Variants in PRKCB observed in about 807,000 individuals in gnomAD.
PRKCB encodes the protein protein kinase C beta, also known as protein kinase C beta type.
Under a neutral mutation model 81.5 loss-of-function variants are expected in PRKCB, and 13 were observed. That is an observed-to-expected ratio of 0.16 (90% CI 0.10 to 0.25). The LOEUF is 0.25. PRKCB is among the 10% of genes least tolerant of loss of function. The pLI, the probability that PRKCB is intolerant of heterozygous loss-of-function variation, is 1.00. For synonymous variants in PRKCB, 335 were observed against 321.4 expected (o/e 1.04, Z -0.45); for missense variants, 509 against 875.7 (o/e 0.58, Z 5.29).
Position 24,174,548 on chromosome 16 carries a change from GTTC to G in PRKCB, c.1368_1370del (p.Phe456del). On this transcript the variant is annotated inframe_deletion, in exon 12 of 17. Coordinates refer to ENST00000643927, the MANE Select transcript of PRKCB (RefSeq NM_002738.7). Reference sequence around the variant, plus strand: ...ACGCTGCAGAAATTGCCATCGGTCTGTTCTTCTTACAGAGTAAGGGCATCATTT... The same window carrying G: ...ACGCTGCAGAAATTGCCATCGGTCTGTTCTTACAGAGTAAGGGCATCATTT... 1 of 1,608,086 alleles carries G rather than the reference GTTC, an allele frequency of 6.2e-7. No homozygotes were observed. Among genetic ancestry groups the G allele is most frequent in the Non-Finnish European group, 8.5e-7 (1 of 1,177,324 alleles).
intron 8 of PRKCB, among the ~76,000 whole-genome samples, chr16:24,119,409 G>A (rs1373189229): frequency 6.6e-6 from 1 of 152,148 alleles, no homozygotes; most frequent in East Asian, 1.9e-4. Flanking sequence ...GGAAGTTTGA[G>A]GTCCGTGCTC....
intron 5 of PRKCB, among the ~76,000 whole-genome samples, chr16:24,066,578 A>G (rs1966037308): frequency 6.6e-6 from 1 of 152,134 alleles, no homozygotes; most frequent in Admixed American, 6.5e-5. Flanking sequence ...TGTTAACACT[A>G]ATTAGTACTG....
At position 24,010,651 on chromosome 16, in the gene PRKCB, C is replaced by T. The variant is rs529956694; in HGVS notation, c.289-21485C>T. Among the ~76,000 whole-genome samples the T allele has an allele frequency of 2.6e-5, 4 of 152,280 alleles. No individual in the cohort carries two copies. In the East Asian group the frequency reaches 7.7e-4, roughly 29 times the overall value. ...CTTAGTTAGGAGTCAGTGGCTATAG[C>T]GCCCCCTGCTGTCCTTTAGCACCCT... On this transcript the variant is annotated intron_variant, in intron 3 of 16. Coordinates refer to ENST00000643927, the MANE Select transcript of PRKCB (RefSeq NM_002738.7).
At chr16:24,115,021 G>C (rs1027020456) in intron 8 of PRKCB, among the ~76,000 whole-genome samples, 3 of 152,160 alleles carry the variant, frequency 2.0e-5, no homozygotes, top group Non-Finnish European at 4.4e-5. Flanking sequence ...AATGTATTCT[G>C]TTCTGCAAAC....
chr16:23,977,868 C>G (rs1964645957), intron 2 of PRKCB, among the ~76,000 whole-genome samples: 1 of 152,042 alleles, frequency 6.6e-6, no homozygotes, highest in African/African-American at 2.4e-5. Flanking sequence ...CTCTGCTTGC[C>G]CTCCTCTACT....
intron 2 of PRKCB, among the ~76,000 whole-genome samples, chr16:23,983,714 A>AATAATTGATT (rs1361141819): frequency 6.6e-6 from 1 of 151,934 alleles, no homozygotes; most frequent in Non-Finnish European, 1.5e-5. Context: ...TGAATAAGAT[A>AATAATTGATT]ATAATTGATT....
At chr16:24,088,462 C>G (rs943329805) in intron 5 of PRKCB, among the ~76,000 whole-genome samples, 2 of 152,156 alleles carry the variant, frequency 1.3e-5, no homozygotes, top group Non-Finnish European at 2.9e-5. Context: ...CACAGTGGCT[C>G]ACACCTGTAA....
At chr16:23,886,039 A>C (rs932586417) in intron 2 of PRKCB, among the ~76,000 whole-genome samples, 1 of 152,188 alleles carries the variant, frequency 6.6e-6, no homozygotes, top group South Asian at 2.1e-4. Flanking sequence ...TGAATCCTCA[A>C]ACCAACTCTT....
In PRKCB at chr16:24,021,038, TTC is replaced by T. The variant is rs766018675; in HGVS notation, c.289-11094_289-11093del. 4.2e-3 allele frequency among the ~76,000 whole-genome samples: 344 copies of T among 81,988 alleles called. 2 individuals carry two copies. Among genetic ancestry groups the T allele is most frequent in the East Asian group, 0.028 (74 of 2,646 alleles). 53.8% of individuals were successfully genotyped at this position (81,988 alleles called of 152,430 possible). A position where few individuals can be genotyped will look rare whatever the true frequency, so the allele number is the denominator to read the frequency against. ...TTTCTTTCTTTCTTTCTTTCTTTCTTTCTCTTTCTTTCTTTCTTTCCCTCCCT... is the reference window on the plus strand; with the variant it reads ...TTTCTTTCTTTCTTTCTTTCTTTCTTTCTTTCTTTCTTTCTTTCCCTCCCT... On this transcript the variant is annotated intron_variant, in intron 3 of 16. Coordinates refer to ENST00000643927, the MANE Select transcript of PRKCB (RefSeq NM_002738.7).
chr16:24,087,009 A>G (rs1369483053), intron 5 of PRKCB, among the ~76,000 whole-genome samples: 1 of 152,132 alleles, frequency 6.6e-6, no homozygotes, highest in African/African-American at 2.4e-5. Context: ...ATTTTGCTCC[A>G]TTTGGTTTAG....
intron 2 of PRKCB, among the ~76,000 whole-genome samples, chr16:23,853,223 A>C (rs1033082138): frequency 6.6e-6 from 1 of 152,264 alleles, no homozygotes; most frequent in African/African-American, 2.4e-5. Context: ...GCTGTAACAG[A>C]CAAACCTTGA....
chr16:24,187,386 G>T (rs915195258), intron 15 of PRKCB, among the ~76,000 whole-genome samples: 2 of 152,162 alleles, frequency 1.3e-5, no homozygotes, highest in Non-Finnish European at 2.9e-5. Context: ...CTGCAGATTG[G>T]GGATAATAAT....
chr16:24,214,548 G>T, intron 16 of PRKCB, 110 bp from the exon 17 acceptor site: 1 of 842,992 alleles, frequency 1.2e-6, no homozygotes, highest in Admixed American at 2.7e-5. Context: ...TTCTGAAAGG[G>T]AAGGGAATGG....
intron 5 of PRKCB, among the ~76,000 whole-genome samples, chr16:24,053,542 C>A (rs868238168): frequency 6.6e-6 from 1 of 151,910 alleles, no homozygotes; most frequent in Non-Finnish European, 1.5e-5. Flanking sequence ...AAGTAAAATA[C>A]GAACAGTAAG....
intron 4 of PRKCB, 105 bp from the exon 5 acceptor site, chr16:24,035,314 C>G: frequency 6.9e-7 from 1 of 1,446,878 alleles, no homozygotes; most frequent in Non-Finnish European, 9.4e-7. Flanking sequence ...TCAGCTGTCT[C>G]AAAGGAGGGA....
chr16:23,971,845 A>G (rs774097685), intron 2 of PRKCB, among the ~76,000 whole-genome samples: 3 of 152,192 alleles, frequency 2.0e-5, no homozygotes, highest in Non-Finnish European at 4.4e-5. Context: ...ACTTTGCAAA[A>G]CAATGGCAGT....
intron 9 of PRKCB, among the ~76,000 whole-genome samples, chr16:24,136,224 T>C (rs1966864339): frequency 1.3e-5 from 2 of 151,996 alleles, no homozygotes; most frequent in Admixed American, 6.6e-5. Flanking sequence ...CTGCCTTCAA[T>C]TCTCAGAAGG....
At chr16:23,848,823 G>A (rs548689453) in intron 2 of PRKCB, among the ~76,000 whole-genome samples, 1 of 152,304 alleles carries the variant, frequency 6.6e-6, no homozygotes, top group South Asian at 2.1e-4. Flanking sequence ...GTGTTTCTTA[G>A]CACCCTACCT....
At chr16:23,955,241 C>G (rs111821282) in intron 2 of PRKCB, among the ~76,000 whole-genome samples, 2 of 151,946 alleles carry the variant, frequency 1.3e-5, no homozygotes, top group Non-Finnish European at 2.9e-5. Context: ...CACACACACA[C>G]ACACACACAC....
Sources: gnomAD v4.1 joint callset for allele counts (sites outside exome capture counted in the v4.1 genomes callset) on GRCh38, gnomAD v4.1.1 for gene constraint, MANE v1.5 for transcripts, NCBI Gene and HGNC (gene_info 2026-07-23, HGNC 2026-07-21) for gene names.